The following ZNF326 variants were observed in gnomAD, a reference collection of about 807,000 sequenced individuals.
ZNF326 encodes the protein zinc finger protein 326.
ZNF326 carries 30 observed loss-of-function variants against 63.1 expected under a neutral mutation model. The ratio of observed to expected loss-of-function variants is 0.48; its 90% CI spans 0.36 to 0.64. The LOEUF (loss-of-function observed/expected upper bound fraction) is 0.64, where lower values mean the gene tolerates loss of function less well. ZNF326 is among the 30% of genes least tolerant of loss of function. The pLI, the probability that ZNF326 is intolerant of heterozygous loss-of-function variation, is 0.00. For synonymous variants in ZNF326, 194 were observed against 228.2 expected (o/e 0.85, Z 1.35); for missense variants, 609 against 720.3 (o/e 0.85, Z 1.77).
intron 7 of ZNF326, among the ~76,000 whole-genome samples, chr1:90,016,866 C>A (rs1431487696): frequency 6.6e-6 from 1 of 152,202 alleles, no homozygotes; most frequent in Admixed American, 6.5e-5. Context: ...GAAGGCAAGA[C>A]TTTTATCACC....
chr1:90,033,589 C>G lies in ZNF326; in HGVS notation c.*5888C>G, dbSNP rs1456808122. On this transcript the variant is annotated 3_prime_UTR_variant, in exon 12 of 12. Coordinates refer to ENST00000340281, the MANE Select transcript of ZNF326 (RefSeq NM_182976.4). Reference sequence around the variant, plus strand: ...GGAAATAAACAGTTGTGAAAATAAACTCTGTTTTAGGCTGATTAGTTGAAT... The same window carrying G: ...GGAAATAAACAGTTGTGAAAATAAAGTCTGTTTTAGGCTGATTAGTTGAAT... The G allele has an allele frequency of 6.6e-6, 1 of 152,014 alleles. No individual in the cohort carries two copies. The highest frequency in any genetic ancestry group is 1.5e-5 in the Non-Finnish European group (1 of 67,976). 9.4% of individuals were successfully genotyped at this position (152,014 alleles called of 1,614,324 possible).
At position 90,031,204 on chromosome 1, in the gene ZNF326, C is replaced by T. The variant is rs1475906042; in HGVS notation, c.*3503C>T. On this transcript the variant is annotated 3_prime_UTR_variant, in exon 12 of 12. Transcript: ENST00000340281. ...TGGGAGTCAGAAAATGGGGACTTTT[C>T]CCCCCTCATTTAATACTTACAACTA... 6.6e-6 allele frequency: 1 copy of T among 152,124 alleles called. No individual in the cohort carries two copies. Among genetic ancestry groups the T allele is most frequent in the Non-Finnish European group, 1.5e-5 (1 of 68,020 alleles). The allele number at this position is 152,124 out of a possible 1,614,324, so 9.4% of individuals were successfully genotyped here. A position where few individuals can be genotyped will look rare whatever the true frequency, so the allele number is the denominator to read the frequency against.
chr1:90,017,261 ACT>A, intron 7 of ZNF326, 54 bp from the exon 8 acceptor site: 1 of 1,224,914 alleles, frequency 8.2e-7, no homozygotes, highest in Non-Finnish European at 1.1e-6. Flanking sequence ...ATTCTTATGA[ACT>A]CTTTATAGTT....
chr1:90,011,386 C>T lies in ZNF326; in HGVS notation c.814+1100C>T, dbSNP rs1383495280. ...TCACTTGGCTAGAAGTACAACATGT[C>T]ATAGTTTTAGCATATGAAAGGAAGA... is the stretch of plus-strand genomic sequence containing the variant. On this transcript the variant is annotated intron_variant, in intron 6 of 11. Coordinates refer to ENST00000340281, the MANE Select transcript of ZNF326 (RefSeq NM_182976.4). 3.9e-5 allele frequency among the ~76,000 whole-genome samples: 6 copies of T among 151,978 alleles called. No homozygotes were observed. The East Asian group carries it at 9.7e-4, about 24-fold the overall frequency.
chr1:90,000,036 C>T (rs551917801), intron 2 of ZNF326, among the ~76,000 whole-genome samples: 155 of 152,082 alleles, frequency 1.0e-3, no homozygotes, highest in Non-Finnish European at 1.8e-3. Context: ...GGGAGAGTAA[C>T]ATAGAGAAGG....
chr1:89,998,267 G>A (rs894090325), intron 2 of ZNF326, 113 bp downstream of exon 2: 2 of 920,204 alleles, frequency 2.2e-6, no homozygotes, highest in African/African-American at 3.3e-5. Flanking sequence ...TATCATTTAT[G>A]TGTTAATATT....
At chr1:90,000,064 G>T (rs1648596327) in intron 2 of ZNF326, among the ~76,000 whole-genome samples, 1 of 152,166 alleles carries the variant, frequency 6.6e-6, no homozygotes, top group African/African-American at 2.4e-5. Context: ...ATGTGTGTGT[G>T]TGCTTGTATG....
intron 1 of ZNF326, 118 bp from the exon 2 acceptor site, chr1:89,997,992 C>A: frequency 1.3e-6 from 1 of 754,484 alleles, no homozygotes; most frequent in African/African-American, 1.8e-5. Flanking sequence ...CTCAGTTTTG[C>A]AGATAATTGG....
chr1:90,027,218 AT>A, intron 11 of ZNF326, 135 bp from the exon 12 acceptor site: 2 of 799,092 alleles, frequency 2.5e-6, no homozygotes, highest in Non-Finnish European at 4.0e-6. Flanking sequence ...CAAATACTTA[AT>A]GAATTTGTTA....
chr1:90,013,311 A>G (rs989235257), intron 7 of ZNF326, 74 bp downstream of exon 7: 1 of 1,168,542 alleles, frequency 8.6e-7, no homozygotes, highest in African/African-American at 1.6e-5. Flanking sequence ...ATCAATTGTA[A>G]TATTAAAAAG....
chr1:89,998,440 C>T (rs1165412102), intron 2 of ZNF326, among the ~76,000 whole-genome samples: 1 of 152,090 alleles, frequency 6.6e-6, no homozygotes, highest in Non-Finnish European at 1.5e-5. Context: ...AATCACAAGA[C>T]ACTGGCTGAG....
chr1:90,016,714 C>T (rs1179120544), intron 7 of ZNF326, among the ~76,000 whole-genome samples: 1 of 145,784 alleles, frequency 6.9e-6, no homozygotes, highest in Admixed American at 6.9e-5. Context: ...GAGGCTCCAT[C>T]TCAAAAAAAA....
At chr1:90,005,758 C>A (rs1648956456) in intron 4 of ZNF326, 1 of 982,348 alleles carries the variant, frequency 1.0e-6, no homozygotes, top group Non-Finnish European at 1.2e-6. Flanking sequence ...GAGCATATTG[C>A]AATAATAAAA....
At chr1:90,025,040 A>G (rs1649948275) in intron 11 of ZNF326, among the ~76,000 whole-genome samples, 2 of 146,530 alleles carry the variant, frequency 1.4e-5, no homozygotes, top group Non-Finnish European at 3.0e-5. Flanking sequence ...TCCCTAAACC[A>G]AAAATGACTT....
rs1649735623 is a variant in ZNF326, at chr1:90,020,864, CTT to C, written c.1249_1250del (p.Leu417ThrfsTer2). The C allele has an allele frequency of 6.2e-7, 1 of 1,613,258 alleles. No individual in the cohort carries two copies. On this transcript the variant is annotated frameshift_variant, in exon 10 of 12. Transcript: ENST00000340281. LOFTEE classifies it high-confidence loss of function. ...AGCGCTTGCAGTGTTTATATCCCTG[CTT>C]TACATAGTTCAGTTCAGCAGCACTT...
intron 4 of ZNF326, chr1:90,006,276 A>G (rs1489210853): frequency 5.1e-6 from 5 of 981,778 alleles, no homozygotes; most frequent in African/African-American, 1.7e-5. Context: ...AAGTAAATCT[A>G]TTTAGTGATC....
intron 10 of ZNF326, 24 bp from the exon 11 acceptor site, chr1:90,022,226 C>G (rs765051291): frequency 5.9e-6 from 9 of 1,525,446 alleles, no homozygotes; most frequent in Non-Finnish European, 8.1e-6. Context: ...TTCAAGAACC[C>G]TCAGTGTGTT....
At chr1:90,014,316 A>G (rs908853493) in intron 7 of ZNF326, among the ~76,000 whole-genome samples, 5 of 152,202 alleles carry the variant, frequency 3.3e-5, no homozygotes, top group Non-Finnish European at 7.3e-5. Flanking sequence ...GAAAATATAA[A>G]CATGAGAAAT....
chr1:90,010,992 C>G (rs574519562), intron 6 of ZNF326, among the ~76,000 whole-genome samples: 1 of 152,158 alleles, frequency 6.6e-6, no homozygotes, highest in Non-Finnish European at 1.5e-5. Flanking sequence ...TGTTATGTAT[C>G]AAATTTGACA....
Sources: allele counts gnomAD v4.1 joint callset (sites outside exome capture counted in the v4.1 genomes callset), GRCh38; gene constraint gnomAD v4.1.1; transcripts MANE v1.5; gene names NCBI Gene and HGNC (gene_info 2026-07-23, HGNC 2026-07-21).